OLFM2: variants seen among roughly 807,000 people sequenced by gnomAD.
The protein encoded by OLFM2 is noelin-2.
OLFM2 carries 20 observed loss-of-function variants against 43.9 expected under a neutral mutation model. That is an observed-to-expected ratio of 0.46 (90% CI 0.32 to 0.66). The LOEUF is 0.66. Among genes scored for constraint, OLFM2 ranks in the 30% least tolerant of loss-of-function variants. OLFM2 has a pLI of 0.04. For synonymous variants in OLFM2, 268 were observed against 278.6 expected, an observed-to-expected ratio of 0.96 and a Z score of 0.38; for missense variants, 416 against 643.6, an observed-to-expected ratio of 0.65 and a Z score of 3.83.
chr19:9,885,771 C>T (rs1482020874), intron 1 of OLFM2, among the ~76,000 whole-genome samples: 1 of 152,122 alleles, frequency 6.6e-6, no homozygotes, highest in Non-Finnish European at 1.5e-5. Context: ...TCTTCCAGGT[C>T]CTGCTCCCCT....
At chr19:9,864,981 A>G (rs998237630) in intron 1 of OLFM2, among the ~76,000 whole-genome samples, 1 of 150,874 alleles carries the variant, frequency 6.6e-6, no homozygotes, top group African/African-American at 2.4e-5. Context: ...CTCTCACTTC[A>G]CTGCTCCCCC....
chr19:9,880,769 T>C (rs1346133738), intron 1 of OLFM2, among the ~76,000 whole-genome samples: 2 of 152,084 alleles, frequency 1.3e-5, no homozygotes, highest in African/African-American at 4.8e-5. Flanking sequence ...TGTGAGAAAT[T>C]AAATTTCTGT....
chr19:9,886,685 C>G (rs73018016), intron 1 of OLFM2, among the ~76,000 whole-genome samples: 31,279 of 151,970 alleles, frequency 0.21, 4,023 homozygotes, highest in Non-Finnish European at 0.27. Context: ...CCAGGACCAT[C>G]CCTGATGCAT....
At chr19:9,868,678 C>T (rs868585109) in intron 1 of OLFM2, among the ~76,000 whole-genome samples, 1 of 152,090 alleles carries the variant, frequency 6.6e-6, no homozygotes. Flanking sequence ...CAGTGGCTCA[C>T]GCTTGTAATC....
intron 1 of OLFM2, among the ~76,000 whole-genome samples, chr19:9,901,041 GGGAGGGAAGGGA>G (rs2046732703): frequency 1.5e-5 from 1 of 67,838 alleles, no homozygotes. Flanking sequence ...GAAGCGGGGA[GGGAGGGAAGGGA>G]GGGAGGGAGG....
chr19:9,854,480 GAC>G lies in OLFM2; in HGVS notation c.1069_1070del (p.Val357HisfsTer167). 6.2e-7 allele frequency: 1 copy of G among 1,614,044 alleles called. No homozygotes were observed. The highest frequency in any genetic ancestry group is 8.5e-7 in the Non-Finnish European group (1 of 1,180,034). ...GGTAGCCGGTGTCCCAGGACCGCAT[GAC>G]CTCGAGGGTGTGCGGGTCCAGCCGG... Reference protein sequence around the residue: ...VSRLDPHTLEVMRSWDTGYPK... With the variant: ...VSRLDPHTLEXMRSWDTGYPK... On this transcript the variant is annotated frameshift_variant, in exon 6 of 6. Transcript: ENST00000264833. LOFTEE classifies it high-confidence loss of function. The surrounding 1 kb of genome is among the most constrained non-coding windows in gnomAD (Gnocchi z 9.5).
At chr19:9,895,022 C>T (rs898577594) in intron 1 of OLFM2, among the ~76,000 whole-genome samples, 3 of 152,120 alleles carry the variant, frequency 2.0e-5, no homozygotes, top group African/African-American at 7.2e-5. Context: ...CTTATGTCAC[C>T]ATCTCCATCC....
chr19:9,865,485 C>A, intron 1 of OLFM2, among the ~76,000 whole-genome samples: 1 of 73,642 alleles, frequency 1.4e-5, no homozygotes, highest in African/African-American at 5.7e-5. Flanking sequence ...TCTGTTTTTT[C>A]TTTTTTTTTT....
intron 1 of OLFM2, among the ~76,000 whole-genome samples, chr19:9,865,646 C>A (rs1283167058): frequency 6.6e-6 from 1 of 151,426 alleles, no homozygotes; most frequent in South Asian, 2.1e-4. Context: ...CATGCACCAC[C>A]ACGCCTGGCT....
chr19:9,917,916 T>C (rs57425833), intron 1 of OLFM2, among the ~76,000 whole-genome samples: 76,251 of 151,904 alleles, frequency 0.5, 19,487 homozygotes, highest in East Asian at 0.62. Context: ...TCTCGCTCTG[T>C]TGCCCAGGTT....
intron 1 of OLFM2, among the ~76,000 whole-genome samples, chr19:9,902,714 G>C (rs1045882659): frequency 6.6e-6 from 1 of 151,558 alleles, no homozygotes; most frequent in Non-Finnish European, 1.5e-5. Context: ...AGCCTTTTCT[G>C]GTTTCTTTTT....
chr19:9,874,073 A>G (rs1265197256), intron 1 of OLFM2, among the ~76,000 whole-genome samples: 1 of 151,906 alleles, frequency 6.6e-6, no homozygotes, highest in African/African-American at 2.4e-5. Context: ...ACCATGATAC[A>G]CTTGTCACAA....
intron 1 of OLFM2, among the ~76,000 whole-genome samples, chr19:9,889,127 T>C (rs555422875): frequency 6.6e-6 from 1 of 151,714 alleles, no homozygotes; most frequent in Admixed American, 6.6e-5. Context: ...GTGTGCCCCT[T>C]ATGTGGGTGA....
rs2046323212 is a variant in OLFM2, at chr19:9,856,890, T to C, written c.604A>G (p.Ser202Gly). 6.2e-7 allele frequency: 1 copy of C among 1,611,914 alleles called. No homozygotes were observed. The highest frequency in any genetic ancestry group is 8.5e-7 in the Non-Finnish European group (1 of 1,179,124). ...KLGCGKLTGVSNPITVRAMGS... is the reference protein window; with the variant it reads ...KLGCGKLTGVGNPITVRAMGS... Reference sequence around the variant, plus strand: ...ATGGCCCGAACGGTGATGGGGTTACTGACCCCGGTCAGCTTCCCACAGCCT... The same window carrying C: ...ATGGCCCGAACGGTGATGGGGTTACCGACCCCGGTCAGCTTCCCACAGCCT... Residue 202 changes from serine (S) to glycine (G), a missense_variant, in exon 5 of 6, where the codon AGT (serine) becomes GGT (glycine). By Grantham distance (56) the Ser-to-Gly change is moderately conservative. Coordinates refer to ENST00000264833, the MANE Select transcript of OLFM2 (RefSeq NM_058164.4). This position sits in a 1 kb window ranked among gnomAD's most constrained non-coding sequence, Gnocchi z 4.0.
At chr19:9,895,514 TA>T (rs2046675968) in intron 1 of OLFM2, among the ~76,000 whole-genome samples, 1 of 151,988 alleles carries the variant, frequency 6.6e-6, no homozygotes, top group Non-Finnish European at 1.5e-5. Context: ...AATAAATAAA[TA>T]AATGTAAAAT....
At position 9,871,921 on chromosome 19, in the gene OLFM2, C is replaced by T. The variant is rs149575097; in HGVS notation, c.64-11127G>A. The stretch of plus-strand genomic sequence containing the variant: ...AGAGCAAACACCTTCACAGGTCTAC[C>T]GTGAATTTCTCCTTTCTGCCACGGA... On this transcript the variant is annotated intron_variant, in intron 1 of 5. Coordinates refer to ENST00000264833, the MANE Select transcript of OLFM2 (RefSeq NM_058164.4). Among the ~76,000 whole-genome samples the T allele has an allele frequency of 3.3e-3, 506 of 152,290 alleles. 3 individuals carry two copies. The highest frequency in any genetic ancestry group is 5.3e-3 in the Non-Finnish European group (361 of 68,036).
chr19:9,914,584 C>G (rs1303186536), intron 1 of OLFM2, among the ~76,000 whole-genome samples: 1 of 151,574 alleles, frequency 6.6e-6, no homozygotes, highest in Non-Finnish European at 1.5e-5. Context: ...GAGGCGAGTC[C>G]CGGGCAGGTG....
chr19:9,884,520 T>C (rs554766905), intron 1 of OLFM2, among the ~76,000 whole-genome samples: 103 of 152,268 alleles, frequency 6.8e-4, no homozygotes, highest in Middle Eastern at 3.4e-3. Context: ...GAGGTTGCAC[T>C]GAGCCGAGAT....
Position 9,854,678 on chromosome 19 carries a change from G to C in OLFM2, c.873C>G (p.Tyr291Ter). The change falls in exon 6 of 6, where the codon TAC (tyrosine) becomes TAG (stop). Residue 291 changes from tyrosine to a stop codon, truncating the protein, a stop_gained. Transcript: ENST00000264833. LOFTEE classifies it high-confidence loss of function. This position sits in a 1 kb window ranked among gnomAD's most constrained non-coding sequence, Gnocchi z 9.5. ...CCAGCACAGAGCGCGAGCGGAAGTG[G>C]TATTTGACCACCACGTTGCTCTGGT... ...NKYQSNVVVK[Y>*]HFRSRSVLVQ... 1 of 1,614,234 alleles carries C rather than the reference G, an allele frequency of 6.2e-7. No individual in the cohort carries two copies. Among genetic ancestry groups the C allele is most frequent in the Non-Finnish European group, 8.5e-7 (1 of 1,180,046 alleles).
Sources: allele counts gnomAD v4.1 joint callset (sites outside exome capture counted in the v4.1 genomes callset), GRCh38; gene constraint gnomAD v4.1.1; non-coding constraint Gnocchi (gnomAD v3.1); transcripts MANE v1.5; gene names NCBI Gene and HGNC (gene_info 2026-07-23, HGNC 2026-07-21).